GALM: variants seen among roughly 807,000 people sequenced by gnomAD.
The protein encoded by GALM is galactose mutarotase.
In GALM, 43 loss-of-function variants were observed where a neutral mutation model predicts 37.4. The observed-to-expected ratio is 1.15, with a 90% confidence interval of 0.90 to 1.48. GALM has a LOEUF of 1.48. Among genes scored for constraint, GALM ranks in the 40% most tolerant of loss-of-function variants. The pLI, the probability that GALM is intolerant of heterozygous loss-of-function variation, is 0.00. For missense variants in GALM, 456 were observed against 419.1 expected (o/e 1.09, Z -0.77); for synonymous variants, 199 against 170.6 (o/e 1.17, Z -1.30).
chr2:38,709,591 G>A (rs1414726986), intron 4 of GALM, among the ~76,000 whole-genome samples: 5 of 150,902 alleles, frequency 3.3e-5, no homozygotes, highest in Admixed American at 2.6e-4. Context: ...GCCAGCAACA[G>A]AATAAAGCCG....
At chr2:38,693,530 C>T (rs555186200) in intron 4 of GALM, among the ~76,000 whole-genome samples, 2 of 151,602 alleles carry the variant, frequency 1.3e-5, no homozygotes, top group South Asian at 4.2e-4. Flanking sequence ...TTAGACCAGC[C>T]ATACTCCATT....
chr2:38,691,696 T>A (rs556238888), intron 4 of GALM, among the ~76,000 whole-genome samples: 68 of 151,632 alleles, frequency 4.5e-4, no homozygotes, highest in Middle Eastern at 3.4e-3. Context: ...AAAAACCTAA[T>A]TGGGAATATA....
chr2:38,719,144 C>G (rs184748589), intron 4 of GALM, among the ~76,000 whole-genome samples: 190 of 151,972 alleles, frequency 1.3e-3, no homozygotes, highest in Middle Eastern at 0.01. Flanking sequence ...TCTCCTGCAC[C>G]TCGTCAGTTA....
At chr2:38,708,578 A>G (rs370763071) in intron 4 of GALM, among the ~76,000 whole-genome samples, 1 of 152,022 alleles carries the variant, frequency 6.6e-6, no homozygotes, top group African/African-American at 2.4e-5. Flanking sequence ...CACCTCTACT[A>G]AAAATATGAA....
At position 38,718,087 on chromosome 2, in the gene GALM, T is replaced by C. The variant is rs115042407; in HGVS notation, c.635-11469T>C. 5.0e-3 allele frequency among the ~76,000 whole-genome samples: 758 copies of C among 151,836 alleles called. 15 individuals carry two copies. Among genetic ancestry groups the C allele is most frequent in the African/African-American group, 0.017 (708 of 41,394 alleles). On this transcript the variant is annotated intron_variant, in intron 4 of 6. Transcript: ENST00000272252. ...CCTGGGCTCAAGAGATCCTCCCATC[T>C]CGGCCTCCCAGAGTGCTGAGATTAC...
intron 5 of GALM, among the ~76,000 whole-genome samples, chr2:38,731,378 TAGAG>T (rs1335562330): frequency 8.0e-6 from 1 of 124,744 alleles, no homozygotes; most frequent in Admixed American, 9.2e-5. Context: ...GCCTGGGCAA[TAGAG>T]AAAGACTCTA....
intron 4 of GALM, among the ~76,000 whole-genome samples, chr2:38,701,139 G>C (rs1359509062): frequency 1.3e-5 from 2 of 152,198 alleles, no homozygotes; most frequent in African/African-American, 2.4e-5. Flanking sequence ...CTAGATGTGA[G>C]CAGATGAGAA....
At chr2:38,714,458 G>T (rs577063608) in intron 4 of GALM, among the ~76,000 whole-genome samples, 5 of 151,974 alleles carry the variant, frequency 3.3e-5, no homozygotes, top group South Asian at 2.1e-4. Context: ...CAAGTGATCC[G>T]CCCACCTCAG....
chr2:38,691,965 G>A (rs1364003453), intron 4 of GALM, among the ~76,000 whole-genome samples: 1 of 152,154 alleles, frequency 6.6e-6, no homozygotes, highest in Non-Finnish European at 1.5e-5. Context: ...CAGTGAAAAT[G>A]TTATCACTAA....
rs1053968575 is a variant in GALM, at chr2:38,691,888, C to G, written c.634+1994C>G. On this transcript the variant is annotated intron_variant, in intron 4 of 6. Coordinates refer to ENST00000272252, the MANE Select transcript of GALM (RefSeq NM_138801.3). ...CTTTTTAAAAAATAATATGGTACCA[C>G]TTGGAGCCAATACTATAAAAAAAAT... Among the ~76,000 whole-genome samples, 10 of 152,092 alleles carry G rather than the reference C, an allele frequency of 6.6e-5. No individual in the cohort carries two copies. In the South Asian group the frequency reaches 2.1e-3, roughly 31 times the overall value.
At chr2:38,718,427 G>T (rs547974271) in intron 4 of GALM, among the ~76,000 whole-genome samples, 9 of 151,596 alleles carry the variant, frequency 5.9e-5, no homozygotes, top group Admixed American at 5.9e-4. Flanking sequence ...TCGAACTCCT[G>T]ACCTCAGGTG....
At chr2:38,696,555 C>A (rs939108066) in intron 4 of GALM, among the ~76,000 whole-genome samples, 2 of 151,522 alleles carry the variant, frequency 1.3e-5, no homozygotes, top group African/African-American at 4.8e-5. Flanking sequence ...GCTCCGCCTT[C>A]CAAATAGCTA....
intron 4 of GALM, among the ~76,000 whole-genome samples, chr2:38,707,874 G>A (rs1177723365): frequency 3.3e-5 from 5 of 152,042 alleles, no homozygotes; most frequent in South Asian, 2.1e-4. Context: ...CTGGGAGGCC[G>A]AGGTGGGTGG....
intron 4 of GALM, among the ~76,000 whole-genome samples, chr2:38,693,348 T>C (rs922074986): frequency 6.6e-6 from 1 of 152,006 alleles, no homozygotes; most frequent in Admixed American, 6.6e-5. Context: ...CTGGGTGTGA[T>C]GGTAGGCGCC....
Position 38,725,565 on chromosome 2 carries a change from C to T in GALM, c.635-3991C>T, listed in dbSNP as rs188423752. 2.6e-3 allele frequency among the ~76,000 whole-genome samples: 382 copies of T among 148,646 alleles called. 5 individuals are homozygous for T. Among genetic ancestry groups the T allele is most frequent in the Admixed American group, 0.02 (304 of 14,948 alleles). The stretch of plus-strand genomic sequence containing the variant: ...ACACACACATACACACACACACACA[C>T]GTATATATATAATTGGGCATACACC... On this transcript the variant is annotated intron_variant, in intron 4 of 6. Coordinates refer to ENST00000272252, the MANE Select transcript of GALM (RefSeq NM_138801.3).
chr2:38,689,800 CT>C lies in GALM; in HGVS notation c.553-9del. On this transcript the variant is annotated splice_polypyrimidine_tract_variant and intron_variant, in intron 3 of 6. Transcript: ENST00000272252. ...ACTAAGCAGAAAACCTTTCCCCTAC[CT>C]TTTCCTCCCAGGCTTCCCCAAATAT... 3.2e-6 allele frequency: 5 copies of C among 1,539,984 alleles called. No individual in the cohort carries two copies. The highest frequency in any genetic ancestry group is 4.5e-6 in the Non-Finnish European group (5 of 1,121,226).
At chr2:38,671,010 A>G (rs1665086321) in intron 1 of GALM, among the ~76,000 whole-genome samples, 1 of 152,102 alleles carries the variant, frequency 6.6e-6, no homozygotes, top group Non-Finnish European at 1.5e-5. Context: ...TTGGGTTGTT[A>G]GAGGAGTGGA....
chr2:38,729,635 T>C lies in GALM; in HGVS notation c.714T>C (p.His238=). Residue 238 remains histidine (H), a synonymous_variant, in exon 5 of 7, where the codon CAT becomes CAC. Transcript: ENST00000272252. ...TTGGAAAACACCTGCAGGACTTCCA[T>C]CTCAATGGTTTTGACCACAATTTCT... is the stretch of plus-strand genomic sequence containing the variant. ...VELGKHLQDF[H]LNGFDHNFCL... 2 of 1,613,520 alleles carry C rather than the reference T, an allele frequency of 1.2e-6. No homozygotes were observed. Among genetic ancestry groups the C allele is most frequent in the Non-Finnish European group, 8.5e-7 (1 of 1,179,520 alleles).
intron 1 of GALM, among the ~76,000 whole-genome samples, chr2:38,670,226 C>G (rs561368871): frequency 1.3e-3 from 194 of 152,296 alleles, no homozygotes; most frequent in African/African-American, 4.3e-3. Context: ...AAAGCCTGTG[C>G]TGAAAATATT....
Sources: gnomAD v4.1 joint callset for allele counts (sites outside exome capture counted in the v4.1 genomes callset) on GRCh38, gnomAD v4.1.1 for gene constraint, MANE v1.5 for transcripts, NCBI Gene and HGNC (gene_info 2026-07-23, HGNC 2026-07-21) for gene names.